HECW1: variants seen among roughly 807,000 people sequenced by gnomAD.
HECW1 encodes the protein E3 ubiquitin-protein ligase HECW1.
A neutral mutation model predicts 182.3 loss-of-function variants in HECW1; 61 were observed. The ratio of observed to expected loss-of-function variants is 0.33; its 90% CI spans 0.27 to 0.41. HECW1 has a LOEUF of 0.41. Among genes scored for constraint, HECW1 ranks in the 10% least tolerant of loss-of-function variants. The pLI, the probability that HECW1 is intolerant of heterozygous loss-of-function variation, is 1.00. For missense variants in HECW1, 1,739 were observed against 2,108.9 expected, an observed-to-expected ratio of 0.82 and a Z score of 3.44; for synonymous variants, 859 against 832.6, an observed-to-expected ratio of 1.03 and a Z score of -0.55.
intron 13 of HECW1, among the ~76,000 whole-genome samples, chr7:43,458,664 C>T (rs1364258193): frequency 6.6e-6 from 1 of 152,204 alleles, no homozygotes; most frequent in African/African-American, 2.4e-5. Flanking sequence ...TTTTTCCATA[C>T]TTAACCTATT....
chr7:43,433,338 C>T (rs1018542961), intron 8 of HECW1, among the ~76,000 whole-genome samples: 4 of 152,100 alleles, frequency 2.6e-5, no homozygotes, highest in Non-Finnish European at 5.9e-5. Flanking sequence ...GGTTCTCCAC[C>T]CAGTTGCACA....
At chr7:43,147,823 C>T (rs74333247) in intron 2 of HECW1, among the ~76,000 whole-genome samples, 3,600 of 152,162 alleles carry the variant, frequency 0.024, 139 homozygotes, top group African/African-American at 0.079. Flanking sequence ...TTAATTGCAC[C>T]GTCTAGTTTA....
At chr7:43,231,104 T>C (rs969096453) in intron 2 of HECW1, among the ~76,000 whole-genome samples, 2 of 152,236 alleles carry the variant, frequency 1.3e-5, no homozygotes, top group Non-Finnish European at 2.9e-5. Flanking sequence ...ATGAAGTAGA[T>C]AGAATTCTAA....
Position 43,501,319 on chromosome 7 carries a change from C to G in HECW1, c.3628C>G (p.Pro1210Ala). ...CSPCSSPQNSPGLQRASARAP... is the reference protein window; with the variant it reads ...CSPCSSPQNSAGLQRASARAP... ...ACCCTGTTCTTCACCTCAGAACTCC[C>G]CAGGTAACAGGAATCTGGCCTAATA... Residue 1210 changes from proline to alanine, a missense_variant, in exon 21 of 30, where the codon CCA (proline) becomes GCA (alanine). Pro to Ala is a conservative substitution (Grantham distance 27, BLOSUM62 -1). Coordinates refer to ENST00000395891, the MANE Select transcript of HECW1 (RefSeq NM_015052.5). 6.3e-7 allele frequency: 1 copy of G among 1,582,010 alleles called. No individual in the cohort carries two copies. Among genetic ancestry groups the G allele is most frequent in the Non-Finnish European group, 8.7e-7 (1 of 1,152,096 alleles).
At position 43,542,091 on chromosome 7, in the gene HECW1, G is replaced by A. The variant is rs967957017; in HGVS notation, c.4248+93G>A. The A allele has an allele frequency of 2.3e-5, 26 of 1,108,914 alleles. No homozygotes were observed. In the African/African-American group the frequency reaches 3.9e-4, roughly 17 times the overall value. 68.7% of individuals were successfully genotyped at this position (1,108,914 alleles called of 1,614,324 possible). A position where few individuals can be genotyped will look rare whatever the true frequency, so the allele number is the denominator to read the frequency against. On this transcript the variant is annotated intron_variant, in intron 26 of 29. Coordinates refer to ENST00000395891, the MANE Select transcript of HECW1 (RefSeq NM_015052.5). ...GTTATCATCTTAATCATTTTTAAGT[G>A]TAGACTTCAGTGCTTCAGTATATCC...
At chr7:43,113,870 G>T (rs2152588105) in intron 1 of HECW1, 2 of 235,226 alleles carry the variant, frequency 8.5e-6, no homozygotes, top group South Asian at 3.4e-4. Context: ...ATGATGCGCG[G>T]TGTCTCTGTC....
At chr7:43,284,760 G>A (rs1804403433) in intron 3 of HECW1, among the ~76,000 whole-genome samples, 1 of 151,976 alleles carries the variant, frequency 6.6e-6, no homozygotes, top group African/African-American at 2.4e-5. Flanking sequence ...AACCTTATGA[G>A]GTACATTTAC....
In HECW1 at chr7:43,445,401, C is replaced by T. The variant is rs866871988; in HGVS notation, c.2229C>T (p.Asn743=). 1.4e-5 allele frequency: 23 copies of T among 1,613,628 alleles called. No homozygotes were observed. The Middle Eastern group carries it at 4.9e-4, about 35-fold the overall frequency. The part of the protein sequence containing the change: ...FSSQDDEEEE[N]SAFESVPDSM... Reference sequence around the variant, plus strand: ...CGCAAGACGACGAGGAGGAGGAGAACAGCGCGTTCGAGTCGGTACCCGACT... The same window carrying T: ...CGCAAGACGACGAGGAGGAGGAGAATAGCGCGTTCGAGTCGGTACCCGACT... Residue 743 remains asparagine, a synonymous_variant, in exon 11 of 30, where the codon AAC becomes AAT. Transcript: ENST00000395891.
chr7:43,326,798 G>A (rs1274957090), intron 5 of HECW1, among the ~76,000 whole-genome samples: 1 of 152,240 alleles, frequency 6.6e-6, no homozygotes, highest in Non-Finnish European at 1.5e-5. Flanking sequence ...AAAGGGCACT[G>A]GAGGAAAAGC....
intron 6 of HECW1, among the ~76,000 whole-genome samples, chr7:43,375,295 GA>G (rs148399178): frequency 0.011 from 1,652 of 147,890 alleles, 28 homozygotes; most frequent in African/African-American, 0.035. Flanking sequence ...TATTTAAAGG[GA>G]AAAAAAAAAT....
chr7:43,366,102 C>CAA (rs375358030), intron 6 of HECW1, among the ~76,000 whole-genome samples: 13 of 138,350 alleles, frequency 9.4e-5, no homozygotes, highest in Non-Finnish European at 1.3e-4. Flanking sequence ...GACTGTCTCA[C>CAA]AAAAAAAAAA....
intron 3 of HECW1, among the ~76,000 whole-genome samples, chr7:43,275,403 TATA>T (rs1802996634): frequency 6.6e-6 from 1 of 152,176 alleles, no homozygotes; most frequent in African/African-American, 2.4e-5. Context: ...AAATCTCTAA[TATA>T]ATAATAGTGC....
chr7:43,507,149 C>A lies in HECW1; in HGVS notation c.3644C>A (p.Ala1215Asp). 6.2e-7 allele frequency: 1 copy of A among 1,613,504 alleles called. No homozygotes were observed. Among genetic ancestry groups the A allele is most frequent in the Non-Finnish European group, 8.5e-7 (1 of 1,179,584 alleles). Residue 1215 changes from alanine to aspartate, a missense_variant, in exon 22 of 30, where the codon GCC becomes GAC. Transcript: ENST00000395891. ...CTTCTCTCTGCAGGTTTACAGAGAG[C>A]CAGTGCAAGAGCCCCTTCCCCCTAC... is the stretch of plus-strand genomic sequence containing the variant. The part of the protein sequence containing the change: ...SPQNSPGLQR[A>D]SARAPSPYRR...
At chr7:43,134,429 T>G (rs1056158679) in intron 2 of HECW1, among the ~76,000 whole-genome samples, 1 of 151,812 alleles carries the variant, frequency 6.6e-6, no homozygotes, top group Admixed American at 6.6e-5. Context: ...TAAATGTGTT[T>G]TAAAATATGA....
chr7:43,376,683 G>C (rs2074340616), intron 6 of HECW1, among the ~76,000 whole-genome samples: 1 of 152,072 alleles, frequency 6.6e-6, no homozygotes, highest in African/African-American at 2.4e-5. Context: ...TGGCTGACAT[G>C]GTGAAACCCC....
chr7:43,312,568 G>A (rs1022490356), intron 4 of HECW1, among the ~76,000 whole-genome samples: 6 of 152,344 alleles, frequency 3.9e-5, no homozygotes, highest in South Asian at 4.1e-4. Context: ...TACAGGCATG[G>A]TGTTGGAGAA....
In HECW1 at chr7:43,445,174, C is replaced by T; in HGVS notation, c.2002C>T (p.His668Tyr). 1 of 1,611,698 alleles carries T rather than the reference C, an allele frequency of 6.2e-7. No individual in the cohort carries two copies. The highest frequency in any genetic ancestry group is 8.5e-7 in the Non-Finnish European group (1 of 1,178,878). ...CTCCAGCCCCAGGCAAGGCGGGGAC[C>T]ACAGTTGCGAGGGCTGTGACGCGTC... The part of the protein sequence containing the change: ...SDSSPRQGGD[H>Y]SCEGCDASCC... Residue 668 changes from histidine (H) to tyrosine (Y), a missense_variant, in exon 11 of 30, where the codon CAC (histidine) becomes TAC (tyrosine). Around this residue, in one of 5 missense-constraint regions of HECW1, gnomAD observed 971 missense variants for 1,029.1 expected, o/e 0.94. Coordinates refer to ENST00000395891, the MANE Select transcript of HECW1 (RefSeq NM_015052.5).
At chr7:43,238,758 A>G (rs914938507) in intron 2 of HECW1, among the ~76,000 whole-genome samples, 6 of 152,252 alleles carry the variant, frequency 3.9e-5, no homozygotes, top group Non-Finnish European at 8.8e-5. Flanking sequence ...ATGCTCTTCA[A>G]GTAAAGCCTG....
chr7:43,152,127 T>C (rs1037928640), intron 2 of HECW1, among the ~76,000 whole-genome samples: 6 of 152,238 alleles, frequency 3.9e-5, no homozygotes, highest in Non-Finnish European at 8.8e-5. Context: ...AAACTAGTAT[T>C]TGTATAGCTA....
Sources: allele counts gnomAD v4.1 joint callset (sites outside exome capture counted in the v4.1 genomes callset), GRCh38; gene constraint gnomAD v4.1.1; regional missense constraint gnomAD v4.1.1; transcripts MANE v1.5; gene names NCBI Gene and HGNC (gene_info 2026-07-23, HGNC 2026-07-21).